The following NRDE2 variants were observed in gnomAD, a reference collection of about 807,000 sequenced individuals.
NRDE2 encodes the protein NRDE-2, necessary for RNA interference, domain containing.
Under a neutral mutation model 124.2 loss-of-function variants are expected in NRDE2, and 76 were observed. That is an observed-to-expected ratio of 0.61 (90% CI 0.51 to 0.74). NRDE2 has a LOEUF of 0.74. Among genes scored for constraint, NRDE2 ranks in the 30% least tolerant of loss-of-function variants. The pLI, the probability that NRDE2 is intolerant of heterozygous loss-of-function variation, is 0.00. For synonymous variants in NRDE2, 489 were observed against 528.1 expected, an observed-to-expected ratio of 0.93 and a Z score of 1.01; for missense variants, 1,314 against 1,417.3, an observed-to-expected ratio of 0.93 and a Z score of 1.17.
intron 12 of NRDE2, among the ~76,000 whole-genome samples, chr14:90,283,990 C>A (rs1487858018): frequency 6.6e-6 from 1 of 152,120 alleles, no homozygotes; most frequent in Non-Finnish European, 1.5e-5. Context: ...GGATTACAGG[C>A]ATGAGCCACC....
chr14:90,274,787 T>TTACAC lies in NRDE2; in HGVS notation c.*3548_*3549insGTGTA, dbSNP rs1487403197. 2 of 110,908 alleles carry TTACAC rather than the reference T, an allele frequency of 1.8e-5. No homozygotes were observed. Among genetic ancestry groups the TTACAC allele is most frequent in the African/African-American group, 6.3e-5 (2 of 31,734 alleles). The allele number at this position is 110,908 out of a possible 1,614,324, so 6.9% of individuals were successfully genotyped here. On this transcript the variant is annotated 3_prime_UTR_variant, in exon 14 of 14. Coordinates refer to ENST00000354366, the MANE Select transcript of NRDE2 (RefSeq NM_017970.4). ...CAGTATAGCCCTTTAAATAGGGAAC[T>TTACAC]ACACACACACACACACACACACACA...
At chr14:90,326,098 C>A (rs984306472) in intron 1 of NRDE2, among the ~76,000 whole-genome samples, 1 of 152,164 alleles carries the variant, frequency 6.6e-6, no homozygotes, top group Non-Finnish European at 1.5e-5. Context: ...GACAGCCACA[C>A]GATGGAGTTC....
intron 12 of NRDE2, 128 bp from the exon 13 acceptor site, chr14:90,279,261 A>G: frequency 1.4e-6 from 1 of 710,256 alleles, no homozygotes; most frequent in East Asian, 2.5e-5. Flanking sequence ...AGGGCCTGGC[A>G]CCGTCACGGT....
rs1181995652 is a variant in NRDE2, at chr14:90,301,384, A to G, written c.1412-12T>C. On this transcript the variant is annotated splice_polypyrimidine_tract_variant and intron_variant, in intron 6 of 13. Transcript: ENST00000354366. ...CTGAAGAAAGAGTGCTGCGAACAGG[A>G]GGGCAAAGGGGAAGAAGCCTGGTTG... 5 of 1,613,406 alleles carry G rather than the reference A, an allele frequency of 3.1e-6. No homozygotes were observed. The highest frequency in any genetic ancestry group is 4.2e-6 in the Non-Finnish European group (5 of 1,179,666).
Position 90,276,224 on chromosome 14 carries a change from T to TG in NRDE2, c.*2111_*2112insC. 6.7e-6 allele frequency: 1 copy of TG among 148,706 alleles called. No homozygotes were observed. Among genetic ancestry groups the TG allele is most frequent in the Non-Finnish European group, 1.5e-5 (1 of 67,108 alleles). 9.2% of individuals were successfully genotyped at this position (148,706 alleles called of 1,614,324 possible). On this transcript the variant is annotated 3_prime_UTR_variant, in exon 14 of 14. Transcript: ENST00000354366. ...AGCAATCTCAAACGGGCTGTTTTTT[T>TG]TTTTTTTTTTTCGAGACGGAGTCTT...
At position 90,268,191 on chromosome 14, in the gene NRDE2, C is replaced by CTTT. The variant is rs34247505; in HGVS notation, c.*10142_*10144dup. 3.7e-5 allele frequency: 48 copies of CTTT among 1,303,826 alleles called. No homozygotes were observed. The highest frequency in any genetic ancestry group is 7.8e-5 in the East Asian group (3 of 38,684). The allele number at this position is 1,303,826 out of a possible 1,614,324, so 80.8% of individuals were successfully genotyped here. The stretch of plus-strand genomic sequence containing the variant: ...TAAGTTAAAATGGCACTTAAGGTGT[C>CTTT]TTTTTTTTTTTTATCTTTTTCATCC... On this transcript the variant is annotated 3_prime_UTR_variant, in exon 14 of 14. Transcript: ENST00000354366.
At position 90,312,546 on chromosome 14, in the gene NRDE2, G is replaced by T; in HGVS notation, c.408-3C>A. The T allele has an allele frequency of 6.2e-7, 1 of 1,613,914 alleles. No individual in the cohort carries two copies. ...CAGCTGCAGCATTATTTCCTTGACT[G>T]TGGGACAAAGGAAGAAGAAGAAGGG... On this transcript the variant is annotated splice_polypyrimidine_tract_variant and splice_region_variant and intron_variant, in intron 3 of 13. Transcript: ENST00000354366.
Position 90,277,199 on chromosome 14 carries a change from C to T in NRDE2, c.*1137G>A, listed in dbSNP as rs1891823811. 1 of 152,206 alleles carries T rather than the reference C, an allele frequency of 6.6e-6. No homozygotes were observed. The highest frequency in any genetic ancestry group is 6.5e-5 in the Admixed American group (1 of 15,272). 9.4% of individuals were successfully genotyped at this position (152,206 alleles called of 1,614,324 possible). A position where few individuals can be genotyped will look rare whatever the true frequency, so the allele number is the denominator to read the frequency against. ...TGGGGCTGGGCTGGCCAGTTTCCCA[C>T]CGTGCCCTGGGAGGTGCTCTCGTGC... On this transcript the variant is annotated 3_prime_UTR_variant, in exon 14 of 14. Transcript: ENST00000354366.
intron 11 of NRDE2, 35 bp from the exon 12 acceptor site, chr14:90,286,527 G>A (rs1440878957): frequency 6.2e-7 from 1 of 1,603,156 alleles, no homozygotes; most frequent in Non-Finnish European, 8.5e-7. Flanking sequence ...TCTGACACAA[G>A]CTCTCTCATC....
Position 90,302,932 on chromosome 14 carries a change from A to C in NRDE2, c.1199T>G (p.Leu400Arg), listed in dbSNP as rs772723330. The change falls in exon 6 of 14, where the codon CTG becomes CGG. Residue 400 changes from leucine to arginine, a missense_variant. Physicochemically the swap from Leu to Arg is moderately radical, Grantham distance 102. Transcript: ENST00000354366. ...TATCAGTTTCTGCCACTCTTTGACC[A>C]GAGTGGAGGGCTCCCAGAACTCTGT... ...LCTEFWEPST[L>R]VKEWQKLIFL... 1.9e-5 allele frequency: 30 copies of C among 1,614,086 alleles called. No individual in the cohort carries two copies. Among genetic ancestry groups the C allele is most frequent in the Non-Finnish European group, 2.5e-5 (29 of 1,180,038 alleles).
At chr14:90,330,217 AT>A (rs55660837) in intron 1 of NRDE2, among the ~76,000 whole-genome samples, 33,424 of 130,432 alleles carry the variant, frequency 0.26, 4,714 homozygotes, top group Non-Finnish European at 0.34. Context: ...AAAAAAAAAA[AT>A]AAATAAATAA....
intron 1 of NRDE2, among the ~76,000 whole-genome samples, chr14:90,319,673 T>C (rs1365531731): frequency 6.6e-6 from 1 of 152,212 alleles, no homozygotes; most frequent in Non-Finnish European, 1.5e-5. Context: ...ACCTCATTCG[T>C]TTTTATTGTC....
At position 90,283,324 on chromosome 14, in the gene NRDE2, A is replaced by G. The variant is rs80118788; in HGVS notation, c.3297+3030T>C. 3.1e-3 allele frequency among the ~76,000 whole-genome samples: 465 copies of G among 152,334 alleles called. 3 individuals carry two copies. The highest frequency in any genetic ancestry group is 0.011 in the African/African-American group (454 of 41,570). ...AGCCAATAAGCACTTTTTGTCTACA[A>G]CCGAACCAAACTAGGCTCATGGAAG... is the stretch of plus-strand genomic sequence containing the variant. On this transcript the variant is annotated intron_variant, in intron 12 of 13. Coordinates refer to ENST00000354366, the MANE Select transcript of NRDE2 (RefSeq NM_017970.4).
intron 5 of NRDE2, 117 bp from the exon 6 acceptor site, chr14:90,303,242 C>T: frequency 1.1e-6 from 1 of 921,790 alleles, no homozygotes; most frequent in Non-Finnish European, 1.6e-6. Context: ...CACCAGTTTG[C>T]CACTATTTCT....
In NRDE2 at chr14:90,270,362, T is replaced by C; in HGVS notation, c.*7974A>G. The C allele has an allele frequency of 1.2e-6, 2 of 1,609,636 alleles. No homozygotes were observed. Among genetic ancestry groups the C allele is most frequent in the Non-Finnish European group, 1.7e-6 (2 of 1,178,214 alleles). Reference sequence around the variant, plus strand: ...TGGTGCTGACATCAAGGTGAGAGCCTAGCCGTGTCAGCTTATTTCTGGGAA... The same window carrying C: ...TGGTGCTGACATCAAGGTGAGAGCCCAGCCGTGTCAGCTTATTTCTGGGAA... On this transcript the variant is annotated 3_prime_UTR_variant, in exon 14 of 14. Coordinates refer to ENST00000354366, the MANE Select transcript of NRDE2 (RefSeq NM_017970.4).
rs994526064 is a variant in NRDE2 at position 90,277,709 on chromosome 14, G to T, written c.*627C>A. ...AGCCTTCCACACTCAAGTGGCCTGGGACCTGCTGAAGAGCGGGTTCTGACT... is the reference window on the plus strand; with the variant it reads ...AGCCTTCCACACTCAAGTGGCCTGGTACCTGCTGAAGAGCGGGTTCTGACT... On this transcript the variant is annotated 3_prime_UTR_variant, in exon 14 of 14. Transcript: ENST00000354366. 2 of 152,354 alleles carry T rather than the reference G, an allele frequency of 1.3e-5. No individual in the cohort carries two copies. Among genetic ancestry groups the T allele is most frequent in the Non-Finnish European group, 2.9e-5 (2 of 68,130 alleles). 9.4% of individuals were successfully genotyped at this position (152,354 alleles called of 1,614,324 possible). A position where few individuals can be genotyped will look rare whatever the true frequency, so the allele number is the denominator to read the frequency against.
intron 6 of NRDE2, 82 bp from the exon 7 acceptor site, chr14:90,301,454 A>G (rs1175009386): frequency 1.5e-6 from 2 of 1,361,930 alleles, no homozygotes; most frequent in Non-Finnish European, 2.0e-6. Flanking sequence ...ACAGGCAATT[A>G]ACACATTGAG....
chr14:90,295,603 C>A (rs1359648500), intron 8 of NRDE2, among the ~76,000 whole-genome samples: 4 of 152,140 alleles, frequency 2.6e-5, no homozygotes, highest in African/African-American at 9.7e-5. Context: ...GACACACATT[C>A]ATGTATAACA....
At chr14:90,282,268 G>A (rs1046401657) in intron 12 of NRDE2, among the ~76,000 whole-genome samples, 3 of 151,896 alleles carry the variant, frequency 2.0e-5, no homozygotes, top group African/African-American at 4.9e-5. Flanking sequence ...CTTGAGCCCA[G>A]GAGTTCGAGG....
Sources: allele counts gnomAD v4.1 joint callset (sites outside exome capture counted in the v4.1 genomes callset), GRCh38; gene constraint gnomAD v4.1.1; transcripts MANE v1.5; gene names NCBI Gene and HGNC (gene_info 2026-07-23, HGNC 2026-07-21).